Variants in TP53BP2 observed in about 807,000 individuals in gnomAD.
TP53BP2 encodes the protein apoptosis-stimulating of p53 protein 2.
TP53BP2 carries 62 observed loss-of-function variants against 126.2 expected under a neutral mutation model. The observed-to-expected ratio is 0.49, with a 90% CI of 0.40 to 0.61. The LOEUF (loss-of-function observed/expected upper bound fraction) is 0.61. Ranked by LOEUF, TP53BP2 falls within the 20% of genes least tolerant of loss-of-function variation. The pLI, the probability that TP53BP2 is intolerant of heterozygous loss-of-function variation, is 0.00. For synonymous variants in TP53BP2, 485 were observed against 502.9 expected (o/e 0.96, Z 0.48); for missense variants, 1,215 against 1,402.8 (o/e 0.87, Z 2.14).
chr1:223,797,398 AAT>A (rs143672993), intron 12 of TP53BP2, among the ~76,000 whole-genome samples: 5 of 150,760 alleles, frequency 3.3e-5, no homozygotes, highest in Admixed American at 6.6e-5. Flanking sequence ...TACAGTAGAG[AAT>A]ATATATATAT....
chr1:223,831,478 AAAAT>A (rs1256942534), intron 1 of TP53BP2, among the ~76,000 whole-genome samples: 2,064 of 42,612 alleles, frequency 0.048, 8 homozygotes, highest in Non-Finnish European at 0.073. Flanking sequence ...AAAAAAAAAA[AAAAT>A]ATATATATAT....
At chr1:223,811,441 C>T (rs1662904045) in intron 3 of TP53BP2, among the ~76,000 whole-genome samples, 1 of 152,098 alleles carries the variant, frequency 6.6e-6, no homozygotes, top group Non-Finnish European at 1.5e-5. Context: ...ACACTTGCAC[C>T]TAATTCTAAT....
intron 4 of TP53BP2, 38 bp downstream of exon 4, chr1:223,810,393 C>G: frequency 2.1e-6 from 3 of 1,411,596 alleles, no homozygotes; most frequent in Non-Finnish European, 2.9e-6. Context: ...ATATGTATCA[C>G]TGTGGTATAT....
At chr1:223,802,044 T>C (rs757052757) in intron 9 of TP53BP2, 72 bp downstream of exon 9, 106 of 1,402,682 alleles carry the variant, frequency 7.6e-5, no homozygotes, top group Middle Eastern at 1.8e-4. Flanking sequence ...CAAAGAGAGA[T>C]TTTTTTTAAA....
At chr1:223,821,195 G>A (rs1393665485) in intron 2 of TP53BP2, 25 bp downstream of exon 2, 14 of 1,613,702 alleles carry the variant, frequency 8.7e-6, no homozygotes, top group Non-Finnish European at 1.2e-5. Context: ...AAGAACTAAA[G>A]CACGAGGCTG....
intron 5 of TP53BP2, among the ~76,000 whole-genome samples, chr1:223,806,488 T>G (rs10158199): frequency 0.017 from 2,624 of 152,274 alleles, 82 homozygotes; most frequent in African/African-American, 0.06. Context: ...TAAATAGCCT[T>G]ACACATATAT....
chr1:223,797,792 G>A (rs929887768), intron 12 of TP53BP2, among the ~76,000 whole-genome samples: 1 of 151,478 alleles, frequency 6.6e-6, no homozygotes, highest in Non-Finnish European at 1.5e-5. Flanking sequence ...GTGTGTGTGT[G>A]TATATATATC....
Position 223,795,883 on chromosome 1 carries a change from C to G in TP53BP2, c.2656G>C (p.Glu886Gln). ...CTCACCGAGTCTTCTCCGGGCCCTTCAGGCTCCCCAGATGGGTATGGTGGG... is the reference window on the plus strand; with the variant it reads ...CTCACCGAGTCTTCTCCGGGCCCTTGAGGCTCCCCAGATGGGTATGGTGGG... Reference protein sequence around the residue: ...PPPPYPSGEPEGPGEDSVSMR... With the variant: ...PPPPYPSGEPQGPGEDSVSMR... Residue 886 changes from glutamate (E) to glutamine (Q), a missense_variant, in exon 13 of 18, where the codon GAA becomes CAA. Physicochemically the swap from Glu to Gln is conservative, Grantham distance 29. Coordinates refer to ENST00000343537, the MANE Select transcript of TP53BP2 (RefSeq NM_001031685.3). 1 of 1,604,466 alleles carries G rather than the reference C, an allele frequency of 6.2e-7. No individual in the cohort carries two copies. Among genetic ancestry groups the G allele is most frequent in the Non-Finnish European group, 8.5e-7 (1 of 1,176,046 alleles).
At chr1:223,841,178 G>GGCTGCAGTGAGCCGAGATCGCGCC (rs1160926329) in intron 1 of TP53BP2, among the ~76,000 whole-genome samples, 1 of 152,182 alleles carries the variant, frequency 6.6e-6, no homozygotes, top group Non-Finnish European at 1.5e-5. Context: ...AGGAGGCGGA[G>GGCTGCAGTGAGCCGAGATCGCGCC]GCTGCAGTGA....
intron 1 of TP53BP2, chr1:223,845,328 A>T: frequency 1.1e-6 from 1 of 895,670 alleles, no homozygotes; most frequent in Non-Finnish European, 1.3e-6. Context: ...ACCTTCAAGA[A>T]CTGCAAAAAA....
rs1187041576 is a variant in TP53BP2, at chr1:223,814,330, G to C, written c.199C>G (p.Arg67Gly). 1 of 1,613,410 alleles carries C rather than the reference G, an allele frequency of 6.2e-7. No individual in the cohort carries two copies. The highest frequency in any genetic ancestry group is 1.1e-5 in the South Asian group (1 of 91,058). Residue 67 changes from arginine to glycine, a missense_variant, in exon 3 of 18, where the codon CGA becomes GGA. By Grantham distance (125) the Arg-to-Gly change is moderately radical. Around this residue, in one of 4 missense-constraint regions of TP53BP2, gnomAD observed 814 missense variants for 853.0 expected, o/e 0.95. Coordinates refer to ENST00000343537, the MANE Select transcript of TP53BP2 (RefSeq NM_001031685.3). ...GSERPVADNE[R>G]MFDVLQRFGS... ...AATCGTTGAAGAACATCAAACATTC[G>C]CTCATTATCCGCAACTGGACGTTCT... is the stretch of plus-strand genomic sequence containing the variant.
At chr1:223,821,427 C>A (rs1416375804) in intron 1 of TP53BP2, 60 bp from the exon 2 acceptor site, 2 of 1,602,592 alleles carry the variant, frequency 1.2e-6, no homozygotes, top group South Asian at 1.1e-5. Flanking sequence ...TGGTATTCAC[C>A]TTAAATTCCT....
chr1:223,809,000 C>T (rs145600920), intron 4 of TP53BP2, among the ~76,000 whole-genome samples: 11 of 152,244 alleles, frequency 7.2e-5, no homozygotes, highest in African/African-American at 1.9e-4. Context: ...CAGTAAAACT[C>T]TGGTGGGCAT....
At chr1:223,789,270 T>C in intron 15 of TP53BP2, 96 bp from the exon 16 acceptor site, 2 of 1,416,026 alleles carry the variant, frequency 1.4e-6, no homozygotes, top group Non-Finnish European at 1.9e-6. Flanking sequence ...GTCTCTCATC[T>C]ACCAAGTTTT....
At chr1:223,840,233 C>T (rs1302868144) in intron 1 of TP53BP2, among the ~76,000 whole-genome samples, 1 of 152,220 alleles carries the variant, frequency 6.6e-6, no homozygotes, top group Non-Finnish European at 1.5e-5. Context: ...AATGACCAAA[C>T]TTCTTGGCTT....
intron 1 of TP53BP2, among the ~76,000 whole-genome samples, chr1:223,822,660 C>CA (rs397968382): frequency 0.04 from 4,604 of 114,480 alleles, 224 homozygotes; most frequent in African/African-American, 0.13. Context: ...GACCCTGACT[C>CA]AAAAAAAAAA....
rs1282880829 is a variant in TP53BP2 at position 223,845,381 on chromosome 1, G to A, written c.27+273C>T. 15 of 526,486 alleles carry A rather than the reference G, an allele frequency of 2.8e-5. No homozygotes were observed. In the African/African-American group the frequency reaches 2.9e-4, roughly 10 times the overall value. The allele number at this position is 526,486 out of a possible 1,614,324, so 32.6% of individuals were successfully genotyped here. On this transcript the variant is annotated intron_variant, in intron 1 of 17. Transcript: ENST00000343537. ...GACGAAAAGTTTGAGTGGCTGCTGG[G>A]CTCGCGGGCGGCTCGCCTGACTCCG...
Position 223,800,109 on chromosome 1 carries a change from G to T in TP53BP2, c.1337-62C>A, listed in dbSNP as rs114383697. 9.3e-4 allele frequency: 1,371 copies of T among 1,479,162 alleles called. 18 individuals carry two copies. In the African/African-American group the frequency reaches 0.017, roughly 19 times the overall value. The allele number at this position is 1,479,162 out of a possible 1,614,324, so 91.6% of individuals were successfully genotyped here. ...TTAGAATAAAGTATCTCATTCACTC[G>T]TAAGTTTCTCTCCCCTAAATCTCCC... On this transcript the variant is annotated intron_variant, in intron 10 of 17. Coordinates refer to ENST00000343537, the MANE Select transcript of TP53BP2 (RefSeq NM_001031685.3).
intron 17 of TP53BP2, among the ~76,000 whole-genome samples, chr1:223,783,564 G>T (rs1180553917): frequency 6.6e-6 from 1 of 152,180 alleles, no homozygotes; most frequent in Non-Finnish European, 1.5e-5. Context: ...CAAAGCCCTG[G>T]AATCTGTTAT....
Sources: allele counts gnomAD v4.1 joint callset (sites outside exome capture counted in the v4.1 genomes callset), GRCh38; gene constraint gnomAD v4.1.1; regional missense constraint gnomAD v4.1.1; transcripts MANE v1.5; gene names NCBI Gene and HGNC (gene_info 2026-07-23, HGNC 2026-07-21).